PBX1: variants seen among roughly 807,000 people sequenced by gnomAD.
PBX1 encodes the protein PBX homeobox 1, also known as pre-B-cell leukemia transcription factor 1.
In PBX1, 6 loss-of-function variants were observed where a neutral mutation model predicts 53.4. The observed-to-expected ratio is 0.11, with a 90% confidence interval of 0.06 to 0.22. The LOEUF (loss-of-function observed/expected upper bound fraction) is 0.22. PBX1 is among the 10% of genes least tolerant of loss of function. The pLI is 1.00. For missense variants in PBX1, 251 were observed against 551.4 expected (o/e 0.46, Z 5.46); for synonymous variants, 204 against 212.3 (o/e 0.96, Z 0.34).
intron 2 of PBX1, among the ~76,000 whole-genome samples, chr1:164,675,443 T>A (rs1206264039): frequency 1.3e-5 from 2 of 152,128 alleles, no homozygotes; most frequent in Non-Finnish European, 2.9e-5. Flanking sequence ...TTGTCTGTCT[T>A]CCTAGCTCCT....
intron 2 of PBX1, chr1:164,683,606 A>C (rs1450795659): frequency 2.0e-5 from 3 of 152,040 alleles, no homozygotes; most frequent in Non-Finnish European, 2.9e-5. Flanking sequence ...AGGAACTACC[A>C]CCCCACCTTC....
At chr1:164,672,666 T>C (rs1278013016) in intron 2 of PBX1, among the ~76,000 whole-genome samples, 1 of 152,224 alleles carries the variant, frequency 6.6e-6, no homozygotes, top group Non-Finnish European at 1.5e-5. Flanking sequence ...ATTCACCTCC[T>C]CTATTTGAAC....
intron 2 of PBX1, among the ~76,000 whole-genome samples, chr1:164,740,510 C>T (rs1326045892): frequency 6.6e-6 from 1 of 152,002 alleles, no homozygotes; most frequent in Non-Finnish European, 1.5e-5. Context: ...AAAAAGCAAA[C>T]CCATAACTAT....
chr1:164,712,093 C>A (rs1663824528), intron 2 of PBX1, among the ~76,000 whole-genome samples: 2 of 146,706 alleles, frequency 1.4e-5, no homozygotes. Context: ...TGACTGGTAA[C>A]ATCTGGGGGA....
chr1:164,738,182 G>A (rs1410022488), intron 2 of PBX1, among the ~76,000 whole-genome samples: 1 of 152,132 alleles, frequency 6.6e-6, no homozygotes, highest in African/African-American at 2.4e-5. Flanking sequence ...TTTACAGTTT[G>A]GGGTTCTTAA....
At chr1:164,754,142 C>T (rs1666376307) in intron 2 of PBX1, among the ~76,000 whole-genome samples, 1 of 152,180 alleles carries the variant, frequency 6.6e-6, no homozygotes, top group South Asian at 2.1e-4. Context: ...CACTGCCCTG[C>T]TGCCTATGTG....
chr1:164,643,550 C>T (rs1315180529), intron 2 of PBX1, among the ~76,000 whole-genome samples: 1 of 152,138 alleles, frequency 6.6e-6, no homozygotes, highest in South Asian at 2.1e-4. Context: ...TGTGCCAAAG[C>T]AAGTTATTTG....
chr1:164,566,772 A>G (rs1653460438), intron 2 of PBX1, among the ~76,000 whole-genome samples: 1 of 152,206 alleles, frequency 6.6e-6, no homozygotes, highest in African/African-American at 2.4e-5. Flanking sequence ...TTTACTAAGG[A>G]GAATATTTAT....
intron 2 of PBX1, among the ~76,000 whole-genome samples, chr1:164,741,728 A>G (rs998979940): frequency 8.4e-6 from 1 of 119,360 alleles, no homozygotes; most frequent in Admixed American, 8.6e-5. Context: ...TGGAGTGAGC[A>G]TGTATGAGTG....
chr1:164,684,580 C>G (rs904162595), intron 2 of PBX1: 1 of 152,280 alleles, frequency 6.6e-6, no homozygotes, highest in South Asian at 2.1e-4. Context: ...TTAGATATTT[C>G]TCTGAGTGTT....
intron 2 of PBX1, among the ~76,000 whole-genome samples, chr1:164,654,857 A>G (rs1660053568): frequency 6.6e-6 from 1 of 152,234 alleles, no homozygotes; most frequent in South Asian, 2.1e-4. Context: ...TATAAGAAAT[A>G]GATAAAGCCA....
At chr1:164,568,384 G>A (rs1246208746) in intron 2 of PBX1, among the ~76,000 whole-genome samples, 1 of 152,010 alleles carries the variant, frequency 6.6e-6, no homozygotes, top group Non-Finnish European at 1.5e-5. Context: ...CAGTGTCCTA[G>A]GTCCAGCTCC....
At chr1:164,789,089 T>C (rs544726632) in intron 2 of PBX1, among the ~76,000 whole-genome samples, 1 of 152,310 alleles carries the variant, frequency 6.6e-6, no homozygotes, top group South Asian at 2.1e-4. Context: ...GGCAGTATGC[T>C]TTATGCTTTA....
intron 3 of PBX1, among the ~76,000 whole-genome samples, chr1:164,795,915 G>C (rs1429191568): frequency 2.6e-5 from 4 of 152,020 alleles, no homozygotes; most frequent in African/African-American, 9.7e-5. Flanking sequence ...ATTAGCTATT[G>C]TAGCTCACCC....
chr1:164,563,955 T>C (rs1203461406), intron 2 of PBX1: 1 of 152,178 alleles, frequency 6.6e-6, no homozygotes, highest in Non-Finnish European at 1.5e-5. Context: ...AACACACTTA[T>C]AACACATCCC....
intron 2 of PBX1, among the ~76,000 whole-genome samples, chr1:164,634,998 T>C (rs1005559096): frequency 6.6e-6 from 1 of 150,510 alleles, no homozygotes; most frequent in African/African-American, 2.5e-5. Flanking sequence ...GAGTTAACTC[T>C]AAGGCTGCGA....
At chr1:164,689,802 C>G (rs965364920) in intron 2 of PBX1, among the ~76,000 whole-genome samples, 2 of 152,056 alleles carry the variant, frequency 1.3e-5, no homozygotes, top group Admixed American at 6.6e-5. Context: ...TCATTTCTTT[C>G]TCCCTGTCCT....
At chr1:164,705,573 A>G (rs969230943) in intron 2 of PBX1, among the ~76,000 whole-genome samples, 2 of 152,160 alleles carry the variant, frequency 1.3e-5, no homozygotes, top group East Asian at 1.9e-4. Flanking sequence ...ACCAGACCTC[A>G]TATTCTTTTT....
intron 2 of PBX1, among the ~76,000 whole-genome samples, chr1:164,884,127 G>A (rs1402646059): frequency 1.3e-5 from 2 of 152,120 alleles, no homozygotes; most frequent in African/African-American, 4.8e-5. Flanking sequence ...TGTAAAACAC[G>A]GGTAATAATA....
Sources: gnomAD v4.1 joint callset for allele counts (sites outside exome capture counted in the v4.1 genomes callset) on GRCh38, gnomAD v4.1.1 for gene constraint, MANE v1.5 for transcripts, NCBI Gene and HGNC (gene_info 2026-07-23, HGNC 2026-07-21) for gene names.